RGS7BP: variants seen among roughly 807,000 people sequenced by gnomAD.
RGS7BP encodes regulator of G protein signaling 7 binding protein.
A neutral mutation model predicts 31.3 loss-of-function variants in RGS7BP; 9 were observed. The ratio of observed to expected loss-of-function variants is 0.29; its 90% CI spans 0.17 to 0.50. The LOEUF (loss-of-function observed/expected upper bound fraction) is 0.50. Among genes scored for constraint, RGS7BP ranks in the 20% least tolerant of loss-of-function variants. RGS7BP has a pLI of 0.98. For missense variants in RGS7BP, 274 were observed against 322.0 expected, an observed-to-expected ratio of 0.85 and a Z score of 1.14; for synonymous variants, 115 against 120.1, an observed-to-expected ratio of 0.96 and a Z score of 0.28.
intron 3 of RGS7BP, among the ~76,000 whole-genome samples, chr5:64,581,861 G>C (rs1461974548): frequency 6.6e-6 from 1 of 152,058 alleles, no homozygotes; most frequent in African/African-American, 2.4e-5. Context: ...AAGAAATGAA[G>C]AAAAACATTA....
intron 2 of RGS7BP, among the ~76,000 whole-genome samples, chr5:64,543,006 A>G (rs1181102057): frequency 6.6e-6 from 1 of 152,194 alleles, no homozygotes; most frequent in African/African-American, 2.4e-5. Context: ...TGAGCCATAC[A>G]AGGAGGCATA....
chr5:64,583,982 A>C (rs1742672848), intron 3 of RGS7BP, among the ~76,000 whole-genome samples: 1 of 152,208 alleles, frequency 6.6e-6, no homozygotes, highest in South Asian at 2.1e-4. Flanking sequence ...ATCCTCAAGT[A>C]TATTTTCCCC....
At chr5:64,517,401 A>G (rs549991559) in intron 2 of RGS7BP, among the ~76,000 whole-genome samples, 2 of 152,310 alleles carry the variant, frequency 1.3e-5, no homozygotes, top group South Asian at 4.1e-4. Context: ...GGAAACAACT[A>G]ACGATCTCTG....
At chr5:64,565,813 C>T (rs899449839) in intron 2 of RGS7BP, among the ~76,000 whole-genome samples, 1 of 152,110 alleles carries the variant, frequency 6.6e-6, no homozygotes, top group Admixed American at 6.6e-5. Context: ...AGATACTGGC[C>T]TCTTCTGTTT....
chr5:64,553,171 C>CTTTT lies in RGS7BP; in HGVS notation c.333-22587_333-22584dup, dbSNP rs542252038. Among the ~76,000 whole-genome samples, 617 of 118,184 alleles carry CTTTT rather than the reference C, an allele frequency of 5.2e-3. 9 individuals carry two copies. The highest frequency in any genetic ancestry group is 0.017 in the African/African-American group (520 of 31,206). The allele number at this position is 118,184 out of a possible 152,430, so 77.5% of individuals were successfully genotyped here. A position where few individuals can be genotyped will look rare whatever the true frequency, so the allele number is the denominator to read the frequency against. On this transcript the variant is annotated intron_variant, in intron 2 of 5. Coordinates refer to ENST00000334025, the MANE Select transcript of RGS7BP (RefSeq NM_001029875.3). ...TAGGACTTCCTTCCTTTCTTTCTTTCTTTTTTTTTTTTTTTTTTTGAAACG... is the reference window on the plus strand; with the variant it reads ...TAGGACTTCCTTCCTTTCTTTCTTTCTTTTTTTTTTTTTTTTTTTTTTTGAAACG...
chr5:64,511,156 A>C (rs2111873510), intron 2 of RGS7BP, among the ~76,000 whole-genome samples: 1 of 152,376 alleles, frequency 6.6e-6, no homozygotes, highest in Non-Finnish European at 1.5e-5. Flanking sequence ...GAAACCCTCA[A>C]GGAATGGTGG....
chr5:64,560,063 A>C (rs1742016703), intron 2 of RGS7BP, among the ~76,000 whole-genome samples: 1 of 152,182 alleles, frequency 6.6e-6, no homozygotes, highest in South Asian at 2.1e-4. Flanking sequence ...TAGCATGTTC[A>C]TCATTTAATA....
intron 3 of RGS7BP, among the ~76,000 whole-genome samples, chr5:64,586,600 G>A (rs1742760403): frequency 6.6e-6 from 1 of 152,122 alleles, no homozygotes; most frequent in South Asian, 2.1e-4. Flanking sequence ...CACTAATAAT[G>A]GCATATGTTA....
intron 5 of RGS7BP, chr5:64,601,554 C>T (rs760378761): frequency 3.2e-5 from 14 of 436,080 alleles, no homozygotes; most frequent in Non-Finnish European, 3.7e-5. Context: ...GACTGGAGGC[C>T]AAGAGATGCA....
At chr5:64,600,598 T>G (rs1279948634) in intron 5 of RGS7BP, among the ~76,000 whole-genome samples, 1 of 152,120 alleles carries the variant, frequency 6.6e-6, no homozygotes, top group Non-Finnish European at 1.5e-5. Context: ...ACTCAGGACT[T>G]GAACCTTGGA....
At chr5:64,548,952 G>A (rs889597365) in intron 2 of RGS7BP, among the ~76,000 whole-genome samples, 5 of 151,236 alleles carry the variant, frequency 3.3e-5, no homozygotes, top group Admixed American at 1.3e-4. Flanking sequence ...TAAATTTGTC[G>A]GGGGACACAA....
chr5:64,534,156 C>A (rs528141213), intron 2 of RGS7BP, among the ~76,000 whole-genome samples: 3 of 151,978 alleles, frequency 2.0e-5, no homozygotes, highest in Admixed American at 1.3e-4. Context: ...GCCAGCCATG[C>A]GAAGATCTGG....
At chr5:64,513,386 G>A (rs557619810) in intron 2 of RGS7BP, among the ~76,000 whole-genome samples, 7 of 152,060 alleles carry the variant, frequency 4.6e-5, no homozygotes, top group African/African-American at 1.4e-4. Context: ...GGGTTGGGGT[G>A]GAGTCTGTTT....
intron 3 of RGS7BP, among the ~76,000 whole-genome samples, chr5:64,593,649 T>C (rs1409117387): frequency 6.6e-6 from 1 of 152,200 alleles, no homozygotes; most frequent in Admixed American, 6.5e-5. Flanking sequence ...ATTATTTGTA[T>C]AATGTTTTTA....
intron 4 of RGS7BP, among the ~76,000 whole-genome samples, chr5:64,597,503 T>G (rs1169685870): frequency 6.6e-6 from 1 of 151,854 alleles, no homozygotes; most frequent in Non-Finnish European, 1.5e-5. Flanking sequence ...TTGTTACTCT[T>G]TCATTATTCC....
At chr5:64,575,976 T>C in intron 3 of RGS7BP, 72 bp downstream of exon 3, 1 of 1,349,798 alleles carries the variant, frequency 7.4e-7, no homozygotes. Flanking sequence ...AAAGTGTCCG[T>C]ATATACCATA....
chr5:64,524,418 G>A (rs1008628776), intron 2 of RGS7BP, among the ~76,000 whole-genome samples: 15 of 152,138 alleles, frequency 9.9e-5, no homozygotes, highest in Admixed American at 5.2e-4. Context: ...GGGTATTACC[G>A]CGGAGTGATG....
chr5:64,560,922 T>C (rs1444549907), intron 2 of RGS7BP, among the ~76,000 whole-genome samples: 2 of 152,118 alleles, frequency 1.3e-5, no homozygotes, highest in Non-Finnish European at 2.9e-5. Context: ...GATGCCACCT[T>C]CCCATTTTTC....
chr5:64,544,616 G>C (rs559787501), intron 2 of RGS7BP, among the ~76,000 whole-genome samples: 1 of 152,200 alleles, frequency 6.6e-6, no homozygotes, highest in East Asian at 1.9e-4. Context: ...CAAGGTTGCA[G>C]TAAGTTTTGA....
Sources: allele counts gnomAD v4.1 joint callset (sites outside exome capture counted in the v4.1 genomes callset), GRCh38; gene constraint gnomAD v4.1.1; transcripts MANE v1.5; gene names NCBI Gene and HGNC (gene_info 2026-07-23, HGNC 2026-07-21).